DLGAP2: variants seen among roughly 807,000 people sequenced by gnomAD.
DLGAP2 encodes disks large-associated protein 2.
A neutral mutation model predicts 100.3 loss-of-function variants in DLGAP2; 26 were observed. The observed-to-expected ratio is 0.26, with a 90% CI of 0.19 to 0.36. The LOEUF (loss-of-function observed/expected upper bound fraction) is 0.36, where lower values mean the gene tolerates loss of function less well. DLGAP2 is among the 10% of genes least tolerant of loss of function. DLGAP2 has a pLI of 1.00. For synonymous variants in DLGAP2, 886 were observed against 630.1 expected, an observed-to-expected ratio of 1.41 and a Z score of -6.08; for missense variants, 1,858 against 1,453.2, an observed-to-expected ratio of 1.28 and a Z score of -4.53.
intron 2 of DLGAP2, among the ~76,000 whole-genome samples, chr8:1,166,641 C>A (rs940172183): frequency 6.6e-6 from 1 of 152,104 alleles, no homozygotes; most frequent in African/African-American, 2.4e-5. Context: ...CCTGTCAATG[C>A]CGCATAAGCA....
At chr8:1,650,839 G>C in intron 8 of DLGAP2, among the ~76,000 whole-genome samples, 1 of 147,178 alleles carries the variant, frequency 6.8e-6, no homozygotes, top group African/African-American at 2.6e-5. Context: ...CTGGAGCAGA[G>C]ATGGGAGGAG....
chr8:1,203,958 A>C (rs1356032424), intron 2 of DLGAP2, among the ~76,000 whole-genome samples: 1 of 152,170 alleles, frequency 6.6e-6, no homozygotes, highest in Non-Finnish European at 1.5e-5. Context: ...GTGTCAAAAA[A>C]TAGGTCACTT....
At chr8:1,256,099 C>G (rs1285178025) in intron 2 of DLGAP2, among the ~76,000 whole-genome samples, 2 of 123,026 alleles carry the variant, frequency 1.6e-5, no homozygotes, top group Non-Finnish European at 3.2e-5. Context: ...TGCCCGGGCG[C>G]TGTGTGTGTG....
chr8:1,158,081 A>T (rs1796824944), intron 2 of DLGAP2, among the ~76,000 whole-genome samples: 1 of 152,228 alleles, frequency 6.6e-6, no homozygotes. Context: ...TGCCCCTTGC[A>T]GGTTCTGCCT....
At chr8:1,218,103 C>A (rs1333122740) in intron 2 of DLGAP2, among the ~76,000 whole-genome samples, 6 of 152,040 alleles carry the variant, frequency 3.9e-5, no homozygotes, top group African/African-American at 4.8e-5. Context: ...TAATTAGGTC[C>A]CACTTGTCAA....
intron 4 of DLGAP2, among the ~76,000 whole-genome samples, chr8:1,527,936 T>G (rs2130443772): frequency 6.6e-6 from 1 of 152,252 alleles, no homozygotes; most frequent in East Asian, 1.9e-4. Context: ...AAAAAAAAGT[T>G]CATTCAACTG....
chr8:1,437,282 C>T (rs1047965738), intron 3 of DLGAP2, among the ~76,000 whole-genome samples: 1 of 152,262 alleles, frequency 6.6e-6, no homozygotes, highest in Admixed American at 6.5e-5. Flanking sequence ...CCGTTCAGCC[C>T]AGGCATGCAG....
intron 6 of DLGAP2, among the ~76,000 whole-genome samples, chr8:1,579,824 G>A (rs1803152008): frequency 2.0e-5 from 3 of 152,164 alleles, no homozygotes; most frequent in African/African-American, 7.2e-5. Context: ...AGTGCCCATC[G>A]TGGGCGTTGG....
intron 3 of DLGAP2, among the ~76,000 whole-genome samples, chr8:1,264,432 C>G (rs1799411707): frequency 6.6e-6 from 1 of 152,168 alleles, no homozygotes; most frequent in South Asian, 2.1e-4. Flanking sequence ...GTGGAGGAAG[C>G]TCATCGCACA....
At chr8:1,599,486 G>A (rs1239401471) in intron 6 of DLGAP2, among the ~76,000 whole-genome samples, 1 of 152,074 alleles carries the variant, frequency 6.6e-6, no homozygotes, top group Non-Finnish European at 1.5e-5. Flanking sequence ...ATTATTGTAT[G>A]GGAGTCTAAG....
intron 6 of DLGAP2, chr8:1,622,061 T>C (rs1797357652): frequency 6.6e-6 from 1 of 152,230 alleles, no homozygotes; most frequent in Non-Finnish European, 1.5e-5. Flanking sequence ...TTGAAATGTA[T>C]ACTGAAAGGT....
intron 6 of DLGAP2, among the ~76,000 whole-genome samples, chr8:1,582,313 T>TAA (rs200930388): frequency 1.0e-5 from 1 of 96,788 alleles, no homozygotes; most frequent in Non-Finnish European, 2.3e-5. Flanking sequence ...GATAAAACCT[T>TAA]AAAAAAAAAA....
At chr8:805,338 C>T (rs956270165) in intron 1 of DLGAP2, among the ~76,000 whole-genome samples, 11 of 152,152 alleles carry the variant, frequency 7.2e-5, no homozygotes, top group Admixed American at 6.5e-4. Context: ...CCCTTCTGAT[C>T]GCCAGCACAG....
intron 1 of DLGAP2, among the ~76,000 whole-genome samples, chr8:820,339 T>C (rs768734752): frequency 1.4e-4 from 22 of 152,228 alleles, no homozygotes; most frequent in Non-Finnish European, 2.9e-4. Context: ...AAGGAACTGA[T>C]AGATTTGGAC....
intron 2 of DLGAP2, among the ~76,000 whole-genome samples, chr8:933,325 G>C (rs796937845): frequency 4.6e-5 from 7 of 152,282 alleles, no homozygotes; most frequent in African/African-American, 1.2e-4. Context: ...GGCAGAGTCT[G>C]CTGTGGACAC....
At chr8:791,275 C>T (rs139248165) in intron 1 of DLGAP2, among the ~76,000 whole-genome samples, 1 of 152,286 alleles carries the variant, frequency 6.6e-6, no homozygotes, top group East Asian at 1.9e-4. Context: ...ACCTCACTTC[C>T]CATTTCTGGG....
intron 1 of DLGAP2, among the ~76,000 whole-genome samples, chr8:777,539 A>C (rs1273946104): frequency 6.6e-6 from 1 of 151,952 alleles, no homozygotes; most frequent in African/African-American, 2.4e-5. Flanking sequence ...CTTTTAGGGC[A>C]GGCCTGGTGG....
chr8:808,940 T>C (rs1180990831), intron 1 of DLGAP2, among the ~76,000 whole-genome samples: 1 of 146,788 alleles, frequency 6.8e-6, no homozygotes, highest in Non-Finnish European at 1.5e-5. Context: ...GGAGTTTCGC[T>C]CTGTCCCCCA....
chr8:773,700 G>A (rs1162861247), intron 1 of DLGAP2, among the ~76,000 whole-genome samples: 1 of 151,966 alleles, frequency 6.6e-6, no homozygotes, highest in Admixed American at 6.6e-5. Flanking sequence ...TGGCTGCATA[G>A]TATTCCATGG....
Sources: gnomAD v4.1 joint callset for allele counts (sites outside exome capture counted in the v4.1 genomes callset) on GRCh38, gnomAD v4.1.1 for gene constraint, MANE v1.5 for transcripts, NCBI Gene and HGNC (gene_info 2026-07-23, HGNC 2026-07-21) for gene names.